PCDH15: variants seen among roughly 807,000 people sequenced by gnomAD.
PCDH15 encodes the protein protocadherin related 15.
PCDH15 carries 129 observed loss-of-function variants against 178.5 expected under a neutral mutation model. The observed-to-expected ratio is 0.72, with a 90% CI of 0.63 to 0.84. PCDH15 has a LOEUF of 0.84. Ranked by LOEUF, PCDH15 falls within the 40% of genes least tolerant of loss-of-function variation. PCDH15 has a pLI of 0.00. For synonymous variants in PCDH15, 800 were observed against 732.0 expected (o/e 1.09, Z -1.50); for missense variants, 2,230 against 2,099.9 (o/e 1.06, Z -1.21).
At chr10:54,274,496 T>G (rs1186319340) in intron 8 of PCDH15, among the ~76,000 whole-genome samples, 1 of 152,044 alleles carries the variant, frequency 6.6e-6, no homozygotes, top group Non-Finnish European at 1.5e-5. Context: ...TGTTTTGTGC[T>G]CCCTGATGTA....
chr10:54,424,516 C>A (rs1955991238), intron 3 of PCDH15, among the ~76,000 whole-genome samples: 1 of 150,692 alleles, frequency 6.6e-6, no homozygotes, highest in Admixed American at 6.6e-5. Flanking sequence ...TGGGTATACA[C>A]CCAAAGGATT....
In PCDH15 at chr10:55,476,236, C is replaced by T. The variant is rs570744408; in HGVS notation, c.-156+151389G>A. On this transcript the variant is annotated intron_variant, in intron 2 of 5. Transcript: ENST00000613346. ...ACTTCAGAGGGCCCCGGGCACTTTC[C>T]CTACCCACAAAATGCTTGTAGATTT... Among the ~76,000 whole-genome samples the T allele has an allele frequency of 3.3e-5, 5 of 152,050 alleles. No individual in the cohort carries two copies. In the South Asian group the frequency reaches 8.3e-4, roughly 25 times the overall value.
intron 2 of PCDH15, among the ~76,000 whole-genome samples, chr10:55,505,362 A>G (rs570154747): frequency 1.3e-5 from 2 of 151,508 alleles, no homozygotes; most frequent in South Asian, 4.1e-4. Context: ...TTTGGAAAAT[A>G]AAGATATTGG....
chr10:54,797,738 TC>T (rs1742399580), intron 1 of PCDH15, among the ~76,000 whole-genome samples: 1 of 152,002 alleles, frequency 6.6e-6, no homozygotes, highest in African/African-American at 2.4e-5. Context: ...TTGTTGTCCT[TC>T]GGACAGAATA....
At chr10:55,021,937 A>T (rs1018998177) in intron 2 of PCDH15, among the ~76,000 whole-genome samples, 2 of 150,142 alleles carry the variant, frequency 1.3e-5, no homozygotes, top group Non-Finnish European at 3.0e-5. Flanking sequence ...AAGCACAAAA[A>T]GACATATACC....
chr10:53,963,060 T>A (rs1258242616), intron 21 of PCDH15, among the ~76,000 whole-genome samples: 1 of 152,206 alleles, frequency 6.6e-6, no homozygotes, highest in Admixed American at 6.5e-5. Context: ...GAAGAAGAAG[T>A]AAGAACATTA....
At chr10:53,852,387 A>C (rs572990185) in intron 28 of PCDH15, among the ~76,000 whole-genome samples, 149 of 152,246 alleles carry the variant, frequency 9.8e-4, no homozygotes, top group Non-Finnish European at 1.4e-3. Context: ...TAGTGGATGC[A>C]GATCCTCACT....
At chr10:54,875,491 A>C (rs1242362397) in intron 3 of PCDH15, among the ~76,000 whole-genome samples, 1 of 152,214 alleles carries the variant, frequency 6.6e-6, no homozygotes, top group Non-Finnish European at 1.5e-5. Flanking sequence ...AAGACAAAAT[A>C]GGACAAAATC....
intron 2 of PCDH15, among the ~76,000 whole-genome samples, chr10:54,902,727 T>C (rs1268563245): frequency 6.6e-6 from 1 of 152,178 alleles, no homozygotes; most frequent in Non-Finnish European, 1.5e-5. Flanking sequence ...GTATATTTGC[T>C]CTCTCCCCCA....
intron 2 of PCDH15, among the ~76,000 whole-genome samples, chr10:54,609,006 G>A (rs977811289): frequency 5.3e-5 from 8 of 151,952 alleles, no homozygotes; most frequent in African/African-American, 1.2e-4. Context: ...TGATAATCAC[G>A]CACTACAAGC....
chr10:55,391,800 T>A (rs1176906721), intron 2 of PCDH15, among the ~76,000 whole-genome samples: 5 of 152,212 alleles, frequency 3.3e-5, no homozygotes, highest in Non-Finnish European at 7.3e-5. Flanking sequence ...GTAGCATTTT[T>A]AATATTCTTC....
chr10:54,066,041 C>T (rs1325133201), intron 18 of PCDH15, among the ~76,000 whole-genome samples: 1 of 152,172 alleles, frequency 6.6e-6, no homozygotes, highest in Non-Finnish European at 1.5e-5. Flanking sequence ...CCTCACTAAA[C>T]CAAGATTCTT....
At chr10:54,127,657 A>G (rs1202924135) in intron 15 of PCDH15, among the ~76,000 whole-genome samples, 2 of 152,154 alleles carry the variant, frequency 1.3e-5, no homozygotes, top group Non-Finnish European at 2.9e-5. Context: ...TAAAGTTTCC[A>G]AATCTTTTCC....
At chr10:55,249,448 G>T (rs1841775476) in intron 1 of PCDH15, among the ~76,000 whole-genome samples, 2 of 151,950 alleles carry the variant, frequency 1.3e-5, no homozygotes, top group South Asian at 2.1e-4. Context: ...CTCTAAAAAG[G>T]GAAAGACAAT....
chr10:54,211,909 A>G (rs1289779691), intron 10 of PCDH15, among the ~76,000 whole-genome samples: 1 of 152,042 alleles, frequency 6.6e-6, no homozygotes, highest in Non-Finnish European at 1.5e-5. Context: ...TATGCCCTTG[A>G]CTTCACACAA....
intron 8 of PCDH15, among the ~76,000 whole-genome samples, chr10:54,305,831 A>G (rs112749761): frequency 5.5e-4 from 80 of 145,436 alleles, no homozygotes; most frequent in African/African-American, 2.1e-3. Context: ...AATATTCTGG[A>G]AAAAAAAAAT....
intron 2 of PCDH15, among the ~76,000 whole-genome samples, chr10:55,521,308 A>G (rs943450374): frequency 6.6e-6 from 1 of 152,032 alleles, no homozygotes; most frequent in Non-Finnish European, 1.5e-5. Flanking sequence ...TCCTCAATTT[A>G]TGATAGGGTT....
chr10:54,289,762 A>G (rs2059273891), intron 8 of PCDH15, among the ~76,000 whole-genome samples: 1 of 152,194 alleles, frequency 6.6e-6, no homozygotes, highest in Non-Finnish European at 1.5e-5. Context: ...ACAAGCTTCA[A>G]TGGCCAATTC....
intron 2 of PCDH15, among the ~76,000 whole-genome samples, chr10:55,365,492 C>T (rs941054142): frequency 6.6e-6 from 1 of 152,046 alleles, no homozygotes; most frequent in Non-Finnish European, 1.5e-5. Context: ...CAGATAATGG[C>T]AACCTAGCTG....
Sources: allele counts gnomAD v4.1 joint callset (sites outside exome capture counted in the v4.1 genomes callset), GRCh38; gene constraint gnomAD v4.1.1; transcripts MANE v1.5; gene names NCBI Gene and HGNC (gene_info 2026-07-23, HGNC 2026-07-21).